INO80: variants seen among roughly 807,000 people sequenced by gnomAD.
The protein encoded by INO80 is INO80 complex ATPase subunit, also known as chromatin-remodeling ATPase INO80.
In INO80, 20 loss-of-function variants were observed where a neutral mutation model predicts 203.4. The ratio of observed to expected loss-of-function variants is 0.10; its 90% confidence interval spans 0.07 to 0.14. The LOEUF (loss-of-function observed/expected upper bound fraction) is 0.14, where lower values mean the gene tolerates loss of function less well. Ranked by LOEUF, INO80 falls within the 10% of genes least tolerant of loss-of-function variation. The pLI, the probability that INO80 is intolerant of heterozygous loss-of-function variation, is 1.00. For missense variants in INO80, 1,419 were observed against 1,914.4 expected (o/e 0.74, Z 4.83); for synonymous variants, 726 against 685.2 (o/e 1.06, Z -0.93).
At chr15:41,049,540 A>C in intron 20 of INO80, 120 bp from the exon 21 acceptor site, 17 of 898,362 alleles carry the variant, frequency 1.9e-5, no homozygotes, top group Non-Finnish European at 2.8e-5. Context: ...TTTTCATCTC[A>C]TTAATAGCCT....
At chr15:41,046,206 C>CATACATACATATATATAT (rs1268610100) in intron 23 of INO80, among the ~76,000 whole-genome samples, 1 of 14,418 alleles carries the variant, frequency 6.9e-5, no homozygotes, top group African/African-American at 2.3e-4. Flanking sequence ...CGTATACATA[C>CATACATACATATATATAT]ATATATATAT....
At chr15:41,063,171 T>C (rs946445722) in intron 14 of INO80, among the ~76,000 whole-genome samples, 1 of 151,850 alleles carries the variant, frequency 6.6e-6, no homozygotes, top group African/African-American at 2.4e-5. Flanking sequence ...ACCCCATCTC[T>C]AGTAAAAATA....
intron 16 of INO80, among the ~76,000 whole-genome samples, chr15:41,057,274 G>A (rs76299208): frequency 0.028 from 4,199 of 151,700 alleles, 182 homozygotes; most frequent in African/African-American, 0.096. Flanking sequence ...GTGCAGCATG[G>A]AGAAACCCCG....
chr15:41,059,754 A>C lies in INO80; in HGVS notation c.1842+113T>G, dbSNP rs188210471. On this transcript the variant is annotated intron_variant, in intron 15 of 35. Transcript: ENST00000648947. Reference sequence around the variant, plus strand: ...AAAAATGGAAACTTGATCAGTGTCCAGAAATATATAATAGATAAGAAGATT... The same window carrying C: ...AAAAATGGAAACTTGATCAGTGTCCCGAAATATATAATAGATAAGAAGATT... The C allele has an allele frequency of 1.5e-5, 10 of 653,882 alleles. No homozygotes were observed. In the East Asian group the frequency reaches 3.0e-4, roughly 20 times the overall value. 40.5% of individuals were successfully genotyped at this position (653,882 alleles called of 1,614,324 possible).
At chr15:41,025,524 G>A (rs1204891264) in intron 25 of INO80, among the ~76,000 whole-genome samples, 1 of 152,098 alleles carries the variant, frequency 6.6e-6, no homozygotes, top group Non-Finnish European at 1.5e-5. Context: ...AGCCCAGCCT[G>A]GCTAACATGG....
intron 16 of INO80, among the ~76,000 whole-genome samples, chr15:41,058,276 A>T (rs182982675): frequency 2.0e-4 from 31 of 152,308 alleles, no homozygotes; most frequent in Admixed American, 2.0e-3. Flanking sequence ...CTTGGCATTA[A>T]CATTTGTGTT....
intron 31 of INO80, among the ~76,000 whole-genome samples, chr15:40,986,479 C>T (rs1372722057): frequency 1.3e-5 from 2 of 151,916 alleles, no homozygotes; most frequent in Non-Finnish European, 2.9e-5. Flanking sequence ...TGCCCACCAC[C>T]ACGCCCGACT....
At chr15:41,111,807 A>G (rs79463286) in intron 1 of INO80, among the ~76,000 whole-genome samples, 2 of 147,744 alleles carry the variant, frequency 1.4e-5, no homozygotes, top group South Asian at 2.1e-4. Context: ...CTGTCTCAAG[A>G]AAAAAAAAAA....
intron 24 of INO80, among the ~76,000 whole-genome samples, chr15:41,028,792 G>C (rs1175575902): frequency 6.6e-6 from 1 of 152,094 alleles, no homozygotes; most frequent in Non-Finnish European, 1.5e-5. Context: ...GGAGGCGGAG[G>C]TTGCAGTGAG....
chr15:41,079,407 C>T (rs1454623824), intron 9 of INO80, among the ~76,000 whole-genome samples: 5 of 151,894 alleles, frequency 3.3e-5, no homozygotes, highest in African/African-American at 1.2e-4. Context: ...CTGAGGAGGG[C>T]CTTACCAAAA....
intron 4 of INO80, among the ~76,000 whole-genome samples, chr15:41,092,506 A>C (rs984587661): frequency 1.3e-5 from 2 of 151,464 alleles, no homozygotes; most frequent in Non-Finnish European, 2.9e-5. Context: ...ACAGGAAGGC[A>C]AAAAAAACAA....
intron 5 of INO80, 70 bp downstream of exon 5, chr15:41,091,957 G>T: frequency 7.3e-7 from 1 of 1,370,522 alleles, no homozygotes; most frequent in Non-Finnish European, 1.0e-6. Context: ...CAGCCAAAAT[G>T]ATGTATCTTT....
intron 28 of INO80, among the ~76,000 whole-genome samples, chr15:40,998,166 C>T (rs764957346): frequency 6.6e-6 from 1 of 151,644 alleles, no homozygotes; most frequent in African/African-American, 2.4e-5. Context: ...GGACTATAGG[C>T]GCTCGCCACC....
At chr15:41,027,889 G>A in intron 24 of INO80, 153 bp from the exon 25 acceptor site, 1 of 540,090 alleles carries the variant, frequency 1.9e-6, no homozygotes, top group East Asian at 3.1e-5. Flanking sequence ...TTAGAACCAA[G>A]TATATAATAC....
chr15:41,074,632 C>G, intron 9 of INO80, 67 bp from the exon 10 acceptor site: 1 of 1,061,128 alleles, frequency 9.4e-7, no homozygotes, highest in Non-Finnish European at 1.4e-6. Context: ...GTCCAGAATT[C>G]ACCACTTATA....
intron 13 of INO80, 83 bp from the exon 14 acceptor site, chr15:41,069,748 C>A (rs1022879537): frequency 1.9e-5 from 14 of 752,880 alleles, no homozygotes; most frequent in Non-Finnish European, 2.9e-5. Context: ...CAAGAACAAT[C>A]TAAGAATAGG....
chr15:41,087,859 A>G (rs1344873372), intron 5 of INO80, among the ~76,000 whole-genome samples, 177 bp from the exon 6 acceptor site: 1 of 152,160 alleles, frequency 6.6e-6, no homozygotes, highest in African/African-American at 2.4e-5. Context: ...TTCAAACAAA[A>G]TGAGTTCAAC....
Position 41,007,323 on chromosome 15 carries a change from C to T in INO80, c.3403-1636G>A, listed in dbSNP as rs375129560. 6.6e-4 allele frequency among the ~76,000 whole-genome samples: 101 copies of T among 151,992 alleles called. 2 individuals carry two copies. The highest frequency in any genetic ancestry group is 2.4e-3 in the African/African-American group (99 of 41,452). ...TCAGCCTCCCTAGCAGCTGGGATTA[C>T]AGGCAACTGCCACCACACCTGGCTA... On this transcript the variant is annotated intron_variant, in intron 27 of 35. Transcript: ENST00000648947.
At chr15:40,989,122 T>C (rs1395203120) in intron 29 of INO80, among the ~76,000 whole-genome samples, 1 of 152,010 alleles carries the variant, frequency 6.6e-6, no homozygotes, top group African/African-American at 2.4e-5. Context: ...GGGAGTACAG[T>C]GAGCTGAGAT....
Sources: gnomAD v4.1 joint callset for allele counts (sites outside exome capture counted in the v4.1 genomes callset) on GRCh38, gnomAD v4.1.1 for gene constraint, MANE v1.5 for transcripts, NCBI Gene and HGNC (gene_info 2026-07-23, HGNC 2026-07-21) for gene names.